The following SMG6 variants were observed in gnomAD, a reference collection of about 807,000 sequenced individuals.
SMG6 encodes telomerase-binding protein EST1A.
A neutral mutation model predicts 142.2 loss-of-function variants in SMG6; 66 were observed. The ratio of observed to expected loss-of-function variants is 0.46; its 90% confidence interval spans 0.38 to 0.57. The LOEUF (loss-of-function observed/expected upper bound fraction) is 0.57, where lower values mean the gene tolerates loss of function less well. SMG6 is among the 20% of genes least tolerant of loss of function. SMG6 has a pLI of 0.00. For synonymous variants in SMG6, 779 were observed against 702.4 expected, an observed-to-expected ratio of 1.11 and a Z score of -1.72; for missense variants, 1,793 against 1,832.0, an observed-to-expected ratio of 0.98 and a Z score of 0.39.
intron 13 of SMG6, among the ~76,000 whole-genome samples, chr17:2,126,947 T>C (rs906032382): frequency 1.3e-5 from 2 of 151,668 alleles, no homozygotes; most frequent in East Asian, 3.9e-4. Flanking sequence ...TGCGCACACA[T>C]GCACACACAC....
intron 13 of SMG6, among the ~76,000 whole-genome samples, chr17:2,154,358 T>G (rs563514988): frequency 6.6e-6 from 1 of 151,982 alleles, no homozygotes; most frequent in African/African-American, 2.4e-5. Flanking sequence ...AATCTGGGGA[T>G]GCATCTAGAG....
intron 8 of SMG6, among the ~76,000 whole-genome samples, chr17:2,262,878 T>A (rs1008763736): frequency 2.6e-5 from 4 of 152,164 alleles, no homozygotes; most frequent in Non-Finnish European, 5.9e-5. Context: ...AGGGAAAAAC[T>A]TGATTTCCTC....
chr17:2,156,634 C>T (rs766909405), intron 13 of SMG6, among the ~76,000 whole-genome samples: 1 of 152,108 alleles, frequency 6.6e-6, no homozygotes, highest in African/African-American at 2.4e-5. Context: ...GCCTTTCCCT[C>T]CTGTCTCTGT....
chr17:2,137,690 G>C (rs540468838), intron 13 of SMG6, among the ~76,000 whole-genome samples: 2 of 152,196 alleles, frequency 1.3e-5, no homozygotes, highest in African/African-American at 4.8e-5. Flanking sequence ...AGCGCCATGG[G>C]ACTAGGTCTT....
intron 15 of SMG6, among the ~76,000 whole-genome samples, chr17:2,080,099 CAAA>C: frequency 1.4e-5 from 2 of 143,218 alleles, no homozygotes; most frequent in Non-Finnish European, 3.1e-5. Context: ...CAAAACAAAA[CAAA>C]ACAAAACAAA....
chr17:2,156,727 T>C (rs1228222462), intron 13 of SMG6, among the ~76,000 whole-genome samples: 1 of 152,194 alleles, frequency 6.6e-6, no homozygotes, highest in Admixed American at 6.5e-5. Flanking sequence ...CGATCACTGC[T>C]CACTGTAGCC....
intron 3 of SMG6, 26 bp downstream of exon 3, chr17:2,297,837 C>A: frequency 6.2e-7 from 1 of 1,601,494 alleles, no homozygotes; most frequent in South Asian, 1.1e-5. Flanking sequence ...AGCCTTTATC[C>A]TGAGGACAAA....
At chr17:2,080,670 C>G (rs1373246297) in intron 15 of SMG6, among the ~76,000 whole-genome samples, 1 of 151,722 alleles carries the variant, frequency 6.6e-6, no homozygotes, top group Admixed American at 6.6e-5. Context: ...GAGTCTCACC[C>G]TGTAGCCCAG....
chr17:2,149,581 C>T (rs1055842740), intron 13 of SMG6, among the ~76,000 whole-genome samples: 10 of 152,172 alleles, frequency 6.6e-5, no homozygotes, highest in African/African-American at 2.4e-4. Flanking sequence ...TGTCCCGTGA[C>T]CCCCATACAC....
rs981660985 is a variant in SMG6 at position 2,071,603 on chromosome 17, A to G, written c.3682-2672T>C. Among the ~76,000 whole-genome samples, 3 of 152,206 alleles carry G rather than the reference A, an allele frequency of 2.0e-5. No individual in the cohort carries two copies. The highest frequency in any genetic ancestry group is 4.4e-5 in the Non-Finnish European group (3 of 68,040). On this transcript the variant is annotated intron_variant, in intron 15 of 18. Transcript: ENST00000263073. This position sits in a 1 kb window ranked among gnomAD's most constrained non-coding sequence, Gnocchi z 5.6. ...ATCATCCGGTCCCAGGGACGCCCGC[A>G]GACAACTTCCCTTAACCTGGCTCTG...
At chr17:2,231,161 T>C (rs1222016635) in intron 10 of SMG6, among the ~76,000 whole-genome samples, 2 of 152,188 alleles carry the variant, frequency 1.3e-5, no homozygotes, top group Non-Finnish European at 2.9e-5. Context: ...AGGAGCATAC[T>C]GCTTTTCTGA....
intron 9 of SMG6, among the ~76,000 whole-genome samples, chr17:2,242,278 T>C (rs1455218394): frequency 4.0e-5 from 6 of 148,602 alleles, no homozygotes; most frequent in African/African-American, 1.5e-4. Context: ...TTTGGGAGGC[T>C]GAGGCGGGTG....
intron 13 of SMG6, among the ~76,000 whole-genome samples, chr17:2,114,964 T>TAAAATAAAATAAA (rs58282463): frequency 6.7e-5 from 4 of 59,578 alleles, no homozygotes; most frequent in African/African-American, 3.0e-4. Context: ...AAAAATGAAA[T>TAAAATAAAATAAA]GAAATGAAAT....
chr17:2,180,876 G>A (rs560910257), intron 12 of SMG6, among the ~76,000 whole-genome samples: 21 of 152,286 alleles, frequency 1.4e-4, no homozygotes, highest in Non-Finnish European at 2.6e-4. Context: ...CTTAGGATCA[G>A]AGAAATGTAT....
intron 9 of SMG6, among the ~76,000 whole-genome samples, chr17:2,238,358 CTTTTT>C (rs143425390): frequency 1.3e-5 from 2 of 149,914 alleles, no homozygotes; most frequent in Non-Finnish European, 3.0e-5. Context: ...AAACAAAACT[CTTTTT>C]TTTTTCTCTA....
chr17:2,168,748 G>A (rs1419133401), intron 13 of SMG6, among the ~76,000 whole-genome samples: 2 of 151,682 alleles, frequency 1.3e-5, no homozygotes, highest in Admixed American at 6.6e-5. Context: ...TTTGTTTTGT[G>A]TTGTTTTGTT....
At chr17:2,265,956 G>T in intron 8 of SMG6, 1 of 981,754 alleles carries the variant, frequency 1.0e-6, no homozygotes, top group Non-Finnish European at 1.2e-6. Flanking sequence ...CATGTGTTGG[G>T]CTTCTAATCA....
chr17:2,100,427 C>T (rs546297285), intron 13 of SMG6, among the ~76,000 whole-genome samples: 1 of 152,316 alleles, frequency 6.6e-6, no homozygotes, highest in Admixed American at 6.5e-5. Context: ...CCCTCCTTCA[C>T]CTACCAAAGT....
intron 8 of SMG6, among the ~76,000 whole-genome samples, chr17:2,249,260 C>G (rs901882223): frequency 6.6e-6 from 1 of 151,886 alleles, no homozygotes; most frequent in Non-Finnish European, 1.5e-5. Context: ...CCTAACACAT[C>G]AGCATGGACT....
Sources: allele counts gnomAD v4.1 joint callset (sites outside exome capture counted in the v4.1 genomes callset), GRCh38; gene constraint gnomAD v4.1.1; non-coding constraint Gnocchi (gnomAD v3.1); transcripts MANE v1.5; gene names NCBI Gene and HGNC (gene_info 2026-07-23, HGNC 2026-07-21).